The following CAST variants were observed in gnomAD, a reference collection of about 807,000 sequenced individuals.
CAST encodes the protein calpastatin, also known as MIR583 host.
CAST carries 76 observed loss-of-function variants against 119.6 expected under a neutral mutation model. The observed-to-expected ratio is 0.64, with a 90% CI of 0.53 to 0.77. The LOEUF is 0.77. CAST is among the 30% of genes least tolerant of loss of function. The pLI is 0.00. For synonymous variants in CAST, 319 were observed against 331.6 expected (o/e 0.96, Z 0.41); for missense variants, 953 against 946.5 (o/e 1.01, Z -0.09).
chr5:96,285,392 T>G, the CAST span, among the ~76,000 whole-genome samples: 3 of 152,244 alleles, frequency 2.0e-5, no homozygotes, highest in Non-Finnish European at 4.4e-5. Flanking sequence ...ATTTCAGGTT[T>G]TAACCTCAGG....
rs912730436 is a variant in CAST at position 96,771,000 on chromosome 5, C to G, written c.2340+398C>G. Among the ~76,000 whole-genome samples the G allele has an allele frequency of 3.2e-4, 49 of 152,040 alleles. 1 individual carries two copies. Among genetic ancestry groups the G allele is most frequent in the Admixed American group, 6.6e-5 (1 of 15,252 alleles). On this transcript the variant is annotated intron_variant, in intron 30 of 31. Coordinates refer to ENST00000675179, the MANE Select transcript of CAST (RefSeq NM_001750.7). Reference sequence around the variant, plus strand: ...ACAACTTCTAGGTCCCTTCCAATTCCAAGAACATATGATTTAAATGATTAT... The same window carrying G: ...ACAACTTCTAGGTCCCTTCCAATTCGAAGAACATATGATTTAAATGATTAT...
chr5:96,709,064 G>A lies in CAST; in HGVS notation c.210+13157G>A, dbSNP rs75795245. Among the ~76,000 whole-genome samples the A allele has an allele frequency of 6.7e-3, 1,016 of 152,310 alleles. 18 individuals are homozygous for A. Among genetic ancestry groups the A allele is most frequent in the African/African-American group, 0.023 (969 of 41,560 alleles). Reference sequence around the variant, plus strand: ...CTGTGGTCATTCAGATTTCAACAGCGTTAATATCTTGGCTTGGTGCTTCCA... The same window carrying A: ...CTGTGGTCATTCAGATTTCAACAGCATTAATATCTTGGCTTGGTGCTTCCA... On this transcript the variant is annotated intron_variant, in intron 3 of 31. Coordinates refer to ENST00000675179, the MANE Select transcript of CAST (RefSeq NM_001750.7).
rs563467738 is a variant in CAST at position 96,737,509 on chromosome 5, T to C, written c.700-340T>C. Among the ~76,000 whole-genome samples, 232 of 152,284 alleles carry C rather than the reference T, an allele frequency of 1.5e-3. 1 individual carries two copies. Among genetic ancestry groups the C allele is most frequent in the South Asian group, 0.011 (51 of 4,826 alleles). On this transcript the variant is annotated intron_variant, in intron 10 of 31. Coordinates refer to ENST00000675179, the MANE Select transcript of CAST (RefSeq NM_001750.7). ...AACATGGTTATAATTCCCTGTATTTTGTTTTGTTTTGTTTTGTTTTTCCTT... is the reference window on the plus strand; with the variant it reads ...AACATGGTTATAATTCCCTGTATTTCGTTTTGTTTTGTTTTGTTTTTCCTT...
chr5:96,584,047 G>A (rs1746810064), intron 1 of CAST, among the ~76,000 whole-genome samples: 1 of 152,136 alleles, frequency 6.6e-6, no homozygotes. Flanking sequence ...ATGGAATTCC[G>A]ATGATCCCTA....
chr5:96,305,884 T>C, the CAST span, among the ~76,000 whole-genome samples: 1 of 152,244 alleles, frequency 6.6e-6, no homozygotes, highest in Non-Finnish European at 1.5e-5. Context: ...TTCACATCAA[T>C]GTTCATCAGG....
rs1275642616 is a variant in CAST, at chr5:96,747,393, GT to G, written c.1332+3del. On this transcript the variant is annotated splice_donor_variant, in intron 18 of 31. Transcript: ENST00000675179. LOFTEE classifies it high-confidence loss of function. ...GCCAGAGCCTGAAGAAAAACCCAAG[GT>G]TAGGAAATACATTTTTTTCTGATAC... 6.4e-7 allele frequency: 1 copy of G among 1,568,472 alleles called. No individual in the cohort carries two copies. Among genetic ancestry groups the G allele is most frequent in the Non-Finnish European group, 8.8e-7 (1 of 1,139,582 alleles).
the CAST span, among the ~76,000 whole-genome samples, chr5:96,303,363 A>C: frequency 6.6e-6 from 1 of 152,194 alleles, no homozygotes; most frequent in Non-Finnish European, 1.5e-5. Context: ...ATACAGTCTT[A>C]ACAGTTTTCT....
chr5:96,714,204 A>G (rs1247476206), intron 3 of CAST, among the ~76,000 whole-genome samples: 3 of 152,178 alleles, frequency 2.0e-5, no homozygotes, highest in Non-Finnish European at 4.4e-5. Flanking sequence ...AATGAATTTA[A>G]AAACCTCACA....
the CAST span, among the ~76,000 whole-genome samples, chr5:96,402,576 C>T: frequency 2.6e-5 from 4 of 152,278 alleles, no homozygotes; most frequent in Non-Finnish European, 5.9e-5. Context: ...GCCTTTTGTT[C>T]GGGGCTCCCT....
At chr5:96,110,671 A>G in the CAST span, among the ~76,000 whole-genome samples, 4 of 152,256 alleles carry the variant, frequency 2.6e-5, no homozygotes, top group South Asian at 6.2e-4. Context: ...AGTAAAATTA[A>G]CCATACAATT....
At chr5:96,083,608 A>G in the CAST span, among the ~76,000 whole-genome samples, 2 of 152,220 alleles carry the variant, frequency 1.3e-5, no homozygotes, top group Non-Finnish European at 2.9e-5. Flanking sequence ...ACCTACCACC[A>G]GGGCATTAGA....
At chr5:96,196,911 C>T in the CAST span, among the ~76,000 whole-genome samples, 2 of 152,092 alleles carry the variant, frequency 1.3e-5, no homozygotes, top group South Asian at 2.1e-4. Context: ...TTAGTTCAGT[C>T]TAGGGATGAT....
intron 1 of CAST, among the ~76,000 whole-genome samples, chr5:96,650,609 A>T (rs1400818980): frequency 6.6e-6 from 1 of 152,074 alleles, no homozygotes; most frequent in South Asian, 2.1e-4. Context: ...CCTCCTAAAA[A>T]TCTTCCTTTC....
the CAST span, among the ~76,000 whole-genome samples, chr5:95,975,743 A>T: frequency 6.6e-6 from 1 of 152,174 alleles, no homozygotes; most frequent in Non-Finnish European, 1.5e-5. Flanking sequence ...TTTCCAGGTC[A>T]TCTATGCATC....
chr5:96,260,038 C>T, the CAST span, among the ~76,000 whole-genome samples: 2 of 151,634 alleles, frequency 1.3e-5, no homozygotes, highest in African/African-American at 4.8e-5. Flanking sequence ...CTTTTTTTTC[C>T]ATACGCCAGA....
chr5:96,602,611 G>C (rs531827063), intron 1 of CAST, among the ~76,000 whole-genome samples: 1 of 152,130 alleles, frequency 6.6e-6, no homozygotes, highest in African/African-American at 2.4e-5. Flanking sequence ...TTATCTAGGC[G>C]TGGTGGTGCA....
chr5:96,604,050 C>T (rs527249153), intron 1 of CAST, among the ~76,000 whole-genome samples: 2 of 152,226 alleles, frequency 1.3e-5, no homozygotes, highest in South Asian at 4.1e-4. Context: ...CAGGCGTAAG[C>T]CACCCCACCT....
chr5:96,259,882 T>G, the CAST span, among the ~76,000 whole-genome samples: 12 of 148,036 alleles, frequency 8.1e-5, no homozygotes, highest in Non-Finnish European at 1.6e-4. Context: ...TAGATTACAT[T>G]GCTTTTTTTT....
chr5:96,217,950 T>C, the CAST span, among the ~76,000 whole-genome samples: 1 of 152,206 alleles, frequency 6.6e-6, no homozygotes, highest in African/African-American at 2.4e-5. Flanking sequence ...ACTTTCTGTG[T>C]GTATGCTATA....
Sources: allele counts gnomAD v4.1 joint callset (sites outside exome capture counted in the v4.1 genomes callset), GRCh38; gene constraint gnomAD v4.1.1; transcripts MANE v1.5; gene names NCBI Gene and HGNC (gene_info 2026-07-23, HGNC 2026-07-21).